ZNF366: variants seen among roughly 807,000 people sequenced by gnomAD.
The protein encoded by ZNF366 is zinc finger protein 366, also known as dendritic cell-specific transcript protein.
ZNF366 carries 20 observed loss-of-function variants against 47.2 expected under a neutral mutation model. The observed-to-expected ratio is 0.42, with a 90% CI of 0.30 to 0.62. The LOEUF (loss-of-function observed/expected upper bound fraction) is 0.62, where lower values mean the gene tolerates loss of function less well. Ranked by LOEUF, ZNF366 falls within the 20% of genes least tolerant of loss-of-function variation. The probability of loss-of-function intolerance (pLI) is 0.16; values close to 1 mark genes in which losing one functional copy is unlikely to be tolerated. For synonymous variants in ZNF366, 421 were observed against 395.1 expected, an observed-to-expected ratio of 1.07 and a Z score of -0.78; for missense variants, 987 against 976.3, an observed-to-expected ratio of 1.01 and a Z score of -0.15.
At chr5:72,452,264 G>A (rs1448209200) in intron 3 of ZNF366, among the ~76,000 whole-genome samples, 2 of 152,190 alleles carry the variant, frequency 1.3e-5, no homozygotes, top group African/African-American at 4.8e-5. Context: ...GAGAGAGAGG[G>A]AGGGAGGGAG....
chr5:72,505,496 C>T (rs1403778519), intron 1 of ZNF366, among the ~76,000 whole-genome samples: 3 of 152,190 alleles, frequency 2.0e-5, no homozygotes, highest in African/African-American at 7.2e-5. Flanking sequence ...CACTGGCCTA[C>T]CCACCTTGTG....
At chr5:72,489,224 G>C (rs1230030682) in intron 1 of ZNF366, among the ~76,000 whole-genome samples, 1 of 140,508 alleles carries the variant, frequency 7.1e-6, no homozygotes, top group Admixed American at 7.1e-5. Flanking sequence ...AAGAAATTAA[G>C]AAAAAAAAAA....
In ZNF366 at chr5:72,440,020, C is replaced by T. The variant is rs568652066; in HGVS notation, c.*3736G>A. Reference sequence around the variant, plus strand: ...TATTCACAACTTGGGCTGCTATATACTTAGAGTTTTAGTTTTTAAATAGCA... The same window carrying T: ...TATTCACAACTTGGGCTGCTATATATTTAGAGTTTTAGTTTTTAAATAGCA... On this transcript the variant is annotated 3_prime_UTR_variant, in exon 5 of 5. Transcript: ENST00000318442. The T allele has an allele frequency of 3.3e-5, 5 of 152,318 alleles. No homozygotes were observed. Among genetic ancestry groups the T allele is most frequent in the African/African-American group, 9.6e-5 (4 of 41,568 alleles). The allele number at this position is 152,318 out of a possible 1,614,324, so 9.4% of individuals were successfully genotyped here.
chr5:72,460,152 G>C lies in ZNF366; in HGVS notation c.1332+13C>G. On this transcript the variant is annotated intron_variant, in intron 2 of 4. Coordinates refer to ENST00000318442, the MANE Select transcript of ZNF366 (RefSeq NM_152625.3). ...CCAAGGCCCCGTCCGCCCCACCAGA[G>C]GCCCCGCAGTACCTTGTGGGTGAGG... 1 of 1,611,302 alleles carries C rather than the reference G, an allele frequency of 6.2e-7. No individual in the cohort carries two copies. Among genetic ancestry groups the C allele is most frequent in the Non-Finnish European group, 8.5e-7 (1 of 1,178,222 alleles).
At chr5:72,488,536 A>G (rs978442082) in intron 1 of ZNF366, among the ~76,000 whole-genome samples, 2 of 152,252 alleles carry the variant, frequency 1.3e-5, no homozygotes, top group African/African-American at 4.8e-5. Context: ...TAGGATTAAA[A>G]AGAAAAATCT....
chr5:72,506,645 A>C (rs1254278209), intron 1 of ZNF366, among the ~76,000 whole-genome samples: 1 of 152,168 alleles, frequency 6.6e-6, no homozygotes, highest in Non-Finnish European at 1.5e-5. Flanking sequence ...GTGAATAATA[A>C]ATTTACACTC....
At chr5:72,451,771 A>AT (rs1743075272) in intron 3 of ZNF366, among the ~76,000 whole-genome samples, 1 of 152,222 alleles carries the variant, frequency 6.6e-6, no homozygotes, top group Non-Finnish European at 1.5e-5. Context: ...GGAAATGAGG[A>AT]TGGAAAAAGA....
At chr5:72,458,270 C>A (rs966112600) in intron 2 of ZNF366, among the ~76,000 whole-genome samples, 1 of 152,136 alleles carries the variant, frequency 6.6e-6, no homozygotes, top group Non-Finnish European at 1.5e-5. Context: ...CCCGTCTCGG[C>A]CTCCCAAAGT....
intron 1 of ZNF366, among the ~76,000 whole-genome samples, chr5:72,486,158 A>T (rs1743888052): frequency 6.6e-6 from 1 of 152,144 alleles, no homozygotes; most frequent in Non-Finnish European, 1.5e-5. Context: ...TTGTTTCCTT[A>T]TATATTCCTG....
intron 1 of ZNF366, among the ~76,000 whole-genome samples, chr5:72,482,987 G>A (rs1743819017): frequency 6.6e-6 from 1 of 152,056 alleles, no homozygotes; most frequent in Non-Finnish European, 1.5e-5. Context: ...TGATGAAAAT[G>A]CAAAAGGAAA....
intron 1 of ZNF366, among the ~76,000 whole-genome samples, chr5:72,481,404 A>G (rs970587320): frequency 5.3e-5 from 8 of 152,260 alleles, no homozygotes; most frequent in African/African-American, 1.9e-4. Context: ...CAAGTCTTTT[A>G]CTATGCATGA....
At chr5:72,484,128 C>T (rs1328001928) in intron 1 of ZNF366, among the ~76,000 whole-genome samples, 1 of 152,142 alleles carries the variant, frequency 6.6e-6, no homozygotes, top group Non-Finnish European at 1.5e-5. Context: ...GAATGTATCT[C>T]TTAAACATGG....
Position 72,441,136 on chromosome 5 carries a change from C to A in ZNF366, c.*2620G>T, listed in dbSNP as rs1426890359. On this transcript the variant is annotated 3_prime_UTR_variant, in exon 5 of 5. Coordinates refer to ENST00000318442, the MANE Select transcript of ZNF366 (RefSeq NM_152625.3). ...ACCACCATTCTAGACCATACTCTCTCTGTCTCAACATTAACTGGTCCCTCA... is the reference window on the plus strand; with the variant it reads ...ACCACCATTCTAGACCATACTCTCTATGTCTCAACATTAACTGGTCCCTCA... 6.6e-6 allele frequency: 1 copy of A among 152,180 alleles called. No individual in the cohort carries two copies. Among genetic ancestry groups the A allele is most frequent in the Non-Finnish European group, 1.5e-5 (1 of 68,044 alleles). The allele number at this position is 152,180 out of a possible 1,614,324, so 9.4% of individuals were successfully genotyped here. A position where few individuals can be genotyped will look rare whatever the true frequency, so the allele number is the denominator to read the frequency against.
At chr5:72,496,890 A>T (rs1744122057) in intron 1 of ZNF366, among the ~76,000 whole-genome samples, 1 of 152,128 alleles carries the variant, frequency 6.6e-6, no homozygotes, top group African/African-American at 2.4e-5. Flanking sequence ...ATCTAACAAT[A>T]TTGTATATCT....
Position 72,447,384 on chromosome 5 carries a change from G to C in ZNF366, c.1558C>G (p.Leu520Val), listed in dbSNP as rs753199116. The change falls in exon 4 of 5, where the codon CTG becomes GTG. Residue 520 changes from leucine (L) to valine (V), a missense_variant. Transcript: ENST00000318442. ...GAGTGCAGGTGCATGTGGCCCATCA[G>C]GTTGTGCATCCGGTTGAATTCCTTC... is the stretch of plus-strand genomic sequence containing the variant. ...CGKEFNRMHN[L>V]MGHMHLHSDS... The C allele has an allele frequency of 6.2e-7, 1 of 1,614,208 alleles. No homozygotes were observed. Among genetic ancestry groups the C allele is most frequent in the Non-Finnish European group, 8.5e-7 (1 of 1,180,040 alleles).
chr5:72,473,637 T>C (rs6882588), intron 1 of ZNF366, among the ~76,000 whole-genome samples: 2,104 of 152,346 alleles, frequency 0.014, 41 homozygotes, highest in African/African-American at 0.049. Context: ...TCTTCCCGGC[T>C]GAACTTAAGT....
chr5:72,450,242 A>G (rs755006251), intron 3 of ZNF366, among the ~76,000 whole-genome samples: 1 of 152,198 alleles, frequency 6.6e-6, no homozygotes, highest in African/African-American at 2.4e-5. Flanking sequence ...TATTGTGACA[A>G]TGATCAAATT....
intron 1 of ZNF366, chr5:72,494,095 ATGAGT>A (rs1190778053): frequency 6.6e-6 from 1 of 151,994 alleles, no homozygotes; most frequent in Non-Finnish European, 1.5e-5. Flanking sequence ...TAATCAATGA[ATGAGT>A]TAATTACTGT....
At chr5:72,467,334 A>G (rs181889820) in intron 1 of ZNF366, among the ~76,000 whole-genome samples, 141 of 152,348 alleles carry the variant, frequency 9.3e-4, no homozygotes, top group Admixed American at 2.5e-3. Context: ...AGAGTTGGTT[A>G]TAGAAATAGG....
Sources: allele counts gnomAD v4.1 joint callset (sites outside exome capture counted in the v4.1 genomes callset), GRCh38; gene constraint gnomAD v4.1.1; transcripts MANE v1.5; gene names NCBI Gene and HGNC (gene_info 2026-07-23, HGNC 2026-07-21).